DHRSX: variants seen among roughly 807,000 people sequenced by gnomAD.
DHRSX encodes the protein polyprenol dehydrogenase.
Under a neutral mutation model 34.0 loss-of-function variants are expected in DHRSX, and 31 were observed. The observed-to-expected ratio is 0.91, with a 90% CI of 0.69 to 1.23. The LOEUF (loss-of-function observed/expected upper bound fraction) is 1.23, where lower values mean the gene tolerates loss of function less well. Ranked by LOEUF, DHRSX falls within the 50% of genes most tolerant of loss-of-function variation. The pLI, the probability that DHRSX is intolerant of heterozygous loss-of-function variation, is 0.00. For missense variants in DHRSX, 414 were observed against 428.1 expected, an observed-to-expected ratio of 0.97 and a Z score of 0.29; for synonymous variants, 201 against 183.8, an observed-to-expected ratio of 1.09 and a Z score of -0.76.
intron 1 of DHRSX, among the ~76,000 whole-genome samples, chrX:2,476,706 G>C (rs1294524266): frequency 6.6e-6 from 1 of 152,132 alleles, no homozygotes; most frequent in Non-Finnish European, 1.5e-5. Flanking sequence ...ATGCATTCTT[G>C]AAAAAGAATG....
intron 6 of DHRSX, among the ~76,000 whole-genome samples, chrX:2,240,380 T>A (rs1430064971): frequency 1.3e-5 from 2 of 151,768 alleles, no homozygotes; most frequent in African/African-American, 4.8e-5. Flanking sequence ...GAAAGCAAAC[T>A]GCAAAATAAG....
intron 5 of DHRSX, among the ~76,000 whole-genome samples, chrX:2,264,954 C>T (rs62595518): frequency 0.14 from 19,861 of 138,754 alleles, 1,795 homozygotes; most frequent in Admixed American, 0.2. Context: ...CAGGGAGCAC[C>T]GTAGCCAGAG....
chrX:2,390,571 G>T (rs1222399078), intron 3 of DHRSX, among the ~76,000 whole-genome samples: 1 of 152,100 alleles, frequency 6.6e-6, no homozygotes, highest in Non-Finnish European at 1.5e-5. Context: ...TCACTGCCAT[G>T]CATCTCCAAA....
At chrX:2,244,568 CAAT>C (rs1343156986) in intron 5 of DHRSX, among the ~76,000 whole-genome samples, 2 of 152,058 alleles carry the variant, frequency 1.3e-5, no homozygotes, top group African/African-American at 2.4e-5. Context: ...AGTATTTGAG[CAAT>C]AATGTTTTTC....
intron 1 of DHRSX, among the ~76,000 whole-genome samples, chrX:2,467,279 C>T (rs1415303192): frequency 2.6e-5 from 4 of 152,080 alleles, no homozygotes; most frequent in African/African-American, 9.7e-5. Flanking sequence ...ATCCCCGAGA[C>T]CTAATAAGAC....
At chrX:2,312,524 T>C (rs1490765167) in intron 3 of DHRSX, among the ~76,000 whole-genome samples, 3 of 151,108 alleles carry the variant, frequency 2.0e-5, no homozygotes, top group African/African-American at 7.3e-5. Flanking sequence ...AGTTGAACAA[T>C]GAGAACACAT....
chrX:2,465,571 G>C (rs1188053820), intron 1 of DHRSX, among the ~76,000 whole-genome samples: 1 of 151,934 alleles, frequency 6.6e-6, no homozygotes, highest in Admixed American at 6.6e-5. Context: ...GGGAGGCTGA[G>C]GCAGGTGGAT....
At chrX:2,335,974 GCA>G (rs1241745585) in intron 3 of DHRSX, among the ~76,000 whole-genome samples, 3 of 152,070 alleles carry the variant, frequency 2.0e-5, no homozygotes, top group South Asian at 4.1e-4. Flanking sequence ...GAGTCATGGA[GCA>G]CAGTGTCTTT....
At chrX:2,353,600 T>TTTGG (rs2042813330) in intron 3 of DHRSX, among the ~76,000 whole-genome samples, 1 of 151,156 alleles carries the variant, frequency 6.6e-6, no homozygotes, top group Non-Finnish European at 1.5e-5. Context: ...TTTTTTTTTT[T>TTTGG]GAGATGGAGT....
chrX:2,428,979 C>T (rs1433555560), intron 1 of DHRSX, among the ~76,000 whole-genome samples: 1 of 152,050 alleles, frequency 6.6e-6, no homozygotes, highest in Non-Finnish European at 1.5e-5. Flanking sequence ...CAGTATTGTG[C>T]GAACAATCCT....
intron 4 of DHRSX, among the ~76,000 whole-genome samples, chrX:2,283,327 G>A (rs151315414): frequency 1.6e-4 from 24 of 152,124 alleles, no homozygotes; most frequent in African/African-American, 5.5e-4. Flanking sequence ...ATCGGGAGAG[G>A]CAGAGGAAAC....
chrX:2,359,051 T>C (rs912673149), intron 3 of DHRSX, among the ~76,000 whole-genome samples: 1 of 151,610 alleles, frequency 6.6e-6, no homozygotes, highest in Admixed American at 6.6e-5. Context: ...CAGAATGAGA[T>C]ACCATCTCAC....
chrX:2,422,140 A>C (rs1164982810), intron 2 of DHRSX, among the ~76,000 whole-genome samples: 1 of 152,202 alleles, frequency 6.6e-6, no homozygotes, highest in Non-Finnish European at 1.5e-5. Context: ...AGACAAATTC[A>C]TGTTGAAATC....
chrX:2,265,368 C>T (rs1407770535), intron 5 of DHRSX, among the ~76,000 whole-genome samples: 2 of 100,654 alleles, frequency 2.0e-5, no homozygotes, highest in Non-Finnish European at 4.0e-5. Flanking sequence ...GCTCAGCAGA[C>T]GCAGGGAGCA....
At chrX:2,473,249 C>T (rs751906489) in intron 1 of DHRSX, among the ~76,000 whole-genome samples, 1 of 152,238 alleles carries the variant, frequency 6.6e-6, no homozygotes, top group Admixed American at 6.5e-5. Flanking sequence ...GGGACAAAGT[C>T]CAGACCACAC....
At chrX:2,241,633 G>T (rs775855922) in intron 6 of DHRSX, among the ~76,000 whole-genome samples, 135 of 152,236 alleles carry the variant, frequency 8.9e-4, no homozygotes, top group Admixed American at 4.4e-3. Flanking sequence ...CTGAGGCCAG[G>T]CGCAGTGGCT....
intron 3 of DHRSX, among the ~76,000 whole-genome samples, chrX:2,303,341 T>C (rs1298524536): frequency 6.6e-6 from 1 of 152,112 alleles, no homozygotes; most frequent in Non-Finnish European, 1.5e-5. Context: ...GATGGGATCA[T>C]GGAGGTGGAT....
chrX:2,408,651 G>A (rs1412651731), intron 3 of DHRSX, 94 bp downstream of exon 3: 2 of 1,102,852 alleles, frequency 1.8e-6, no homozygotes, highest in Non-Finnish European at 2.6e-6. Flanking sequence ...AATGCCACCT[G>A]GCACGTGACT....
intron 1 of DHRSX, among the ~76,000 whole-genome samples, chrX:2,478,936 G>C (rs1053761262): frequency 5.4e-5 from 8 of 148,596 alleles, no homozygotes; most frequent in Admixed American, 2.0e-4. Flanking sequence ...CACTGAAGAC[G>C]TTCCCTAAGA....
Sources: allele counts gnomAD v4.1 joint callset (sites outside exome capture counted in the v4.1 genomes callset), GRCh38; gene constraint gnomAD v4.1.1; transcripts MANE v1.5; gene names NCBI Gene and HGNC (gene_info 2026-07-23, HGNC 2026-07-21).